GRIK1: variants seen among roughly 807,000 people sequenced by gnomAD.
GRIK1 encodes glutamate receptor ionotropic, kainate 1.
In GRIK1, 69 loss-of-function variants were observed where a neutral mutation model predicts 105.7. The observed-to-expected ratio is 0.65, with a 90% CI of 0.54 to 0.80. The LOEUF is 0.80. Among genes scored for constraint, GRIK1 ranks in the 30% least tolerant of loss-of-function variants. GRIK1 has a pLI of 0.00. For synonymous variants in GRIK1, 438 were observed against 431.3 expected (o/e 1.02, Z -0.19); for missense variants, 1,109 against 1,167.3 (o/e 0.95, Z 0.73).
At chr21:29,883,927 C>A (rs1243333507) in intron 1 of GRIK1, among the ~76,000 whole-genome samples, 1 of 151,950 alleles carries the variant, frequency 6.6e-6, no homozygotes, top group Non-Finnish European at 1.5e-5. Context: ...CAGGCTTCAA[C>A]AGGTTTCCTT....
At chr21:29,664,397 T>G (rs1008551988) in intron 4 of GRIK1, among the ~76,000 whole-genome samples, 1 of 152,230 alleles carries the variant, frequency 6.6e-6, no homozygotes. Flanking sequence ...ATATTGGTGC[T>G]GAGCTTAATG....
intron 1 of GRIK1, among the ~76,000 whole-genome samples, chr21:29,738,005 C>G (rs1419220537): frequency 6.6e-6 from 1 of 152,176 alleles, no homozygotes; most frequent in South Asian, 2.1e-4. Context: ...TTATAGGAAG[C>G]AAATCTCCCC....
chr21:29,679,523 A>G (rs1363861301), intron 3 of GRIK1, among the ~76,000 whole-genome samples: 1 of 152,196 alleles, frequency 6.6e-6, no homozygotes, highest in Non-Finnish European at 1.5e-5. Flanking sequence ...TCAGGTATTA[A>G]CTGCCTGTTC....
chr21:29,556,182 A>G (rs2090250904), intron 15 of GRIK1, among the ~76,000 whole-genome samples: 1 of 152,158 alleles, frequency 6.6e-6, no homozygotes, highest in South Asian at 2.1e-4. Flanking sequence ...GTGGACAAGG[A>G]TTGTATGTTA....
chr21:29,819,499 G>C (rs2067241672), intron 1 of GRIK1, among the ~76,000 whole-genome samples: 1 of 152,034 alleles, frequency 6.6e-6, no homozygotes, highest in Non-Finnish European at 1.5e-5. Context: ...GTGTGTGAGA[G>C]AGAAAGAGAC....
chr21:29,574,064 T>C (rs1322521874), intron 14 of GRIK1, among the ~76,000 whole-genome samples: 1 of 151,766 alleles, frequency 6.6e-6, no homozygotes, highest in Non-Finnish European at 1.5e-5. Flanking sequence ...CTGTATAAAC[T>C]TACCTTTAGG....
intron 1 of GRIK1, among the ~76,000 whole-genome samples, chr21:29,737,342 T>C (rs868322567): frequency 1.2e-4 from 19 of 152,276 alleles, no homozygotes; most frequent in Middle Eastern, 3.4e-3. Context: ...TTTTATTGGG[T>C]AATGTTTCAA....
intron 9 of GRIK1, among the ~76,000 whole-genome samples, chr21:29,595,565 G>T (rs2061396867): frequency 6.6e-6 from 1 of 152,106 alleles, no homozygotes; most frequent in Non-Finnish European, 1.5e-5. Flanking sequence ...TGGCTACAGG[G>T]AGAAACTTGT....
intron 1 of GRIK1, among the ~76,000 whole-genome samples, chr21:29,889,334 T>G (rs933182187): frequency 6.6e-6 from 1 of 152,148 alleles, no homozygotes; most frequent in African/African-American, 2.4e-5. Flanking sequence ...CTTCTTTCCA[T>G]TCTCCGAGTT....
chr21:29,816,029 A>T (rs574544454), intron 1 of GRIK1, among the ~76,000 whole-genome samples: 2 of 152,144 alleles, frequency 1.3e-5, no homozygotes, highest in Non-Finnish European at 2.9e-5. Context: ...ATGGGAAAAA[A>T]TACCTGCCAA....
At chr21:29,937,073 T>C (rs1333188725) in intron 1 of GRIK1, among the ~76,000 whole-genome samples, 1 of 152,192 alleles carries the variant, frequency 6.6e-6, no homozygotes, top group Non-Finnish European at 1.5e-5. Flanking sequence ...ACAACTCCCC[T>C]TTCTTTTTCC....
At chr21:29,753,325 T>C (rs894652366) in intron 1 of GRIK1, among the ~76,000 whole-genome samples, 2 of 152,334 alleles carry the variant, frequency 1.3e-5, no homozygotes, top group Middle Eastern at 3.4e-3. Flanking sequence ...AGGTAATTAA[T>C]GGGAAGATTT....
chr21:29,754,739 A>G (rs932382879), intron 1 of GRIK1, among the ~76,000 whole-genome samples: 1 of 152,174 alleles, frequency 6.6e-6, no homozygotes, highest in African/African-American at 2.4e-5. Context: ...ATTATTTTCC[A>G]TAATCTGGGT....
intron 1 of GRIK1, among the ~76,000 whole-genome samples, chr21:29,825,305 A>G (rs1413410044): frequency 6.6e-6 from 1 of 152,086 alleles, no homozygotes; most frequent in African/African-American, 2.4e-5. Flanking sequence ...ACAATAGTGC[A>G]TTATGATATT....
At chr21:29,626,946 CA>C (rs1333955638) in intron 7 of GRIK1, among the ~76,000 whole-genome samples, 1 of 152,106 alleles carries the variant, frequency 6.6e-6, no homozygotes, top group Non-Finnish European at 1.5e-5. Flanking sequence ...AGGAGTTTTG[CA>C]GTTGTAAGAG....
intron 1 of GRIK1, among the ~76,000 whole-genome samples, chr21:29,740,561 G>C (rs1462592041): frequency 6.6e-6 from 1 of 152,140 alleles, no homozygotes; most frequent in East Asian, 1.9e-4. Flanking sequence ...AGGCAGCTCA[G>C]AAATCTTGTT....
In GRIK1 at chr21:29,867,910, G is replaced by GAA. The variant is rs1332253742; in HGVS notation, c.118+71472_118+71473insTT. On this transcript the variant is annotated intron_variant, in intron 1 of 17. Transcript: ENST00000327783. ...AAAGAGAGAGAGAGAGAGAAAGAAA[G>GAA]AGAGAGAAAGAGAGAAAGAGAGAGA... Among the ~76,000 whole-genome samples, 22 of 108,348 alleles carry GAA rather than the reference G, an allele frequency of 2.0e-4. 1 individual carries two copies. The highest frequency in any genetic ancestry group is 5.0e-4 in the African/African-American group (14 of 28,044). The allele number at this position is 108,348 out of a possible 152,430, so 71.1% of individuals were successfully genotyped here. A position where few individuals can be genotyped will look rare whatever the true frequency, so the allele number is the denominator to read the frequency against.
chr21:29,936,363 A>C (rs2071755080), intron 1 of GRIK1, among the ~76,000 whole-genome samples: 2 of 152,232 alleles, frequency 1.3e-5, no homozygotes, highest in East Asian at 3.8e-4. Context: ...GTGGTGGGCC[A>C]CGTCTACTAA....
intron 1 of GRIK1, among the ~76,000 whole-genome samples, chr21:29,859,761 GCT>G (rs1190335199): frequency 6.6e-6 from 1 of 152,212 alleles, no homozygotes; most frequent in Non-Finnish European, 1.5e-5. Flanking sequence ...GCCTGAGAAT[GCT>G]CTTTCATGTT....
Sources: gnomAD v4.1 joint callset for allele counts (sites outside exome capture counted in the v4.1 genomes callset) on GRCh38, gnomAD v4.1.1 for gene constraint, MANE v1.5 for transcripts, NCBI Gene and HGNC (gene_info 2026-07-23, HGNC 2026-07-21) for gene names.